The following DNAH12 variants were observed in gnomAD, a reference collection of about 807,000 sequenced individuals.
The protein encoded by DNAH12 is dynein axonemal heavy chain 12.
In DNAH12, 285 loss-of-function variants were observed where a neutral mutation model predicts 371.5. The observed-to-expected ratio is 0.77, with a 90% CI of 0.70 to 0.85. The LOEUF (loss-of-function observed/expected upper bound fraction) is 0.85, where lower values mean the gene tolerates loss of function less well. Among genes scored for constraint, DNAH12 ranks in the 40% least tolerant of loss-of-function variants. DNAH12 has a pLI of 0.00. For synonymous variants in DNAH12, 1,200 were observed against 1,213.0 expected (o/e 0.99, Z 0.22); for missense variants, 3,611 against 3,689.4 (o/e 0.98, Z 0.55).
chr3:57,401,751 AAAAG>A (rs1179014989), intron 43 of DNAH12, among the ~76,000 whole-genome samples: 4 of 151,766 alleles, frequency 2.6e-5, no homozygotes, highest in Non-Finnish European at 5.9e-5. Flanking sequence ...AATACAAAAA[AAAAG>A]AGAGAGAGAA....
intron 2 of DNAH12, among the ~76,000 whole-genome samples, chr3:57,540,602 CA>C (rs2069236598): frequency 6.6e-6 from 1 of 152,100 alleles, no homozygotes; most frequent in African/African-American, 2.4e-5. Flanking sequence ...AGCAGTTCAA[CA>C]TGATAATGCA....
At chr3:57,547,605 G>C (rs568157115), upstream of DNAH12, among the ~76,000 whole-genome samples, 6 of 152,228 alleles carry the variant, frequency 3.9e-5, no homozygotes, top group African/African-American at 1.2e-4. Context: ...ATCAGGTAGA[G>C]AGAAAGATAA....
At position 57,436,942 on chromosome 3, in the gene DNAH12, T is replaced by C; in HGVS notation, c.4655+9A>G. The C allele has an allele frequency of 7.1e-7, 1 of 1,400,482 alleles. No individual in the cohort carries two copies. The highest frequency in any genetic ancestry group is 9.5e-7 in the Non-Finnish European group (1 of 1,052,534). 86.8% of individuals were successfully genotyped at this position (1,400,482 alleles called of 1,614,324 possible). On this transcript the variant is annotated intron_variant, in intron 30 of 73. Transcript: ENST00000495027. ...AATAACATCTAACTATAGCAATATA[T>C]AATCTTACCCATGTCTAACAATCAT...
chr3:57,401,753 A>AG (rs1458973304), intron 43 of DNAH12, among the ~76,000 whole-genome samples: 2 of 151,986 alleles, frequency 1.3e-5, no homozygotes, highest in Admixed American at 6.6e-5. Flanking sequence ...TACAAAAAAA[A>AG]AGAGAGAGAG....
intron 9 of DNAH12, among the ~76,000 whole-genome samples, chr3:57,503,623 G>C (rs951280604): frequency 4.6e-5 from 7 of 152,048 alleles, no homozygotes; most frequent in African/African-American, 1.7e-4. Context: ...TCCTGACCTT[G>C]TGTTCCGCCT....
chr3:57,419,962 T>C (rs2064515362), intron 36 of DNAH12, among the ~76,000 whole-genome samples: 1 of 152,224 alleles, frequency 6.6e-6, no homozygotes, highest in African/African-American at 2.4e-5. Context: ...GCTTTACTTT[T>C]TTATATTTTA....
intron 59 of DNAH12, among the ~76,000 whole-genome samples, chr3:57,355,524 TGCAATCAA>T (rs2062778287): frequency 6.7e-6 from 1 of 149,986 alleles, no homozygotes. Context: ...TGTGAACATA[TGCAATCAA>T]TTCTTTTGGG....
At chr3:57,330,196 A>C (rs2062060619) in intron 62 of DNAH12, among the ~76,000 whole-genome samples, 1 of 151,904 alleles carries the variant, frequency 6.6e-6, no homozygotes, top group African/African-American at 2.4e-5. Flanking sequence ...CATTTGACCC[A>C]GCCATCCCAT....
chr3:57,508,517 C>T lies in DNAH12; in HGVS notation c.566G>A (p.Trp189Ter), dbSNP rs771462251. 1 of 1,611,650 alleles carries T rather than the reference C, an allele frequency of 6.2e-7. No homozygotes were observed. The change falls in exon 7 of 74, where the codon TGG becomes TAG. Residue 189 changes from tryptophan (W) to a stop codon, truncating the protein, a stop_gained. Coordinates refer to ENST00000495027, the MANE Select transcript of DNAH12 (RefSeq NM_001366028.2). LOFTEE classifies it high-confidence loss of function. ...TCTTGCCTGCACATAGCTAGAATGC[C>T]AAGGATTAGAATAATCTAGGCCTCT... Reference protein sequence around the residue: ...SPVGLDYSNPWHSSYVQARNQ... With the variant: ...SPVGLDYSNP
intron 66 of DNAH12, among the ~76,000 whole-genome samples, chr3:57,313,485 C>A (rs1292535938): frequency 6.6e-6 from 1 of 152,084 alleles, no homozygotes; most frequent in African/African-American, 2.4e-5. Context: ...AACCCCATTT[C>A]TACTAAAAAA....
chr3:57,415,249 G>A (rs928273953), intron 38 of DNAH12, among the ~76,000 whole-genome samples, 177 bp downstream of exon 38: 2 of 151,824 alleles, frequency 1.3e-5, no homozygotes, highest in Admixed American at 6.6e-5. Context: ...CACTATTAAC[G>A]TAAAAATGTT....
intron 5 of DNAH12, among the ~76,000 whole-genome samples, chr3:57,509,915 C>A (rs1187007407): frequency 7.7e-6 from 1 of 130,022 alleles, no homozygotes; most frequent in Non-Finnish European, 1.6e-5. Flanking sequence ...AACATAGTGA[C>A]TAGTTAGTAA....
intron 40 of DNAH12, 126 bp from the exon 41 acceptor site, chr3:57,406,078 CGG>C: frequency 2.0e-6 from 2 of 1,007,450 alleles, no homozygotes; most frequent in South Asian, 3.5e-5. Flanking sequence ...GGGCTGGGCG[CGG>C]TGGCTCACAT....
At chr3:57,406,014 C>CTTTA in intron 40 of DNAH12, 62 bp from the exon 41 acceptor site, 1 of 1,439,014 alleles carries the variant, frequency 6.9e-7, no homozygotes, top group African/African-American at 1.4e-5. Context: ...AGTCATGTAA[C>CTTTA]CAGTGGAATG....
chr3:57,435,863 C>T (rs1399775616), intron 30 of DNAH12, among the ~76,000 whole-genome samples: 1 of 83,896 alleles, frequency 1.2e-5, no homozygotes, highest in African/African-American at 4.5e-5. Context: ...GTACTATTCC[C>T]TCTATTTTTG....
intron 4 of DNAH12, among the ~76,000 whole-genome samples, chr3:57,516,053 C>CTTTTTTTTTTTTTTTT (rs11395278): frequency 2.8e-5 from 2 of 71,964 alleles, no homozygotes; most frequent in African/African-American, 5.4e-5. Context: ...ACTGCTTAGT[C>CTTTTTTTTTTTTTTTT]TTTTTTTTTT....
intron 29 of DNAH12, among the ~76,000 whole-genome samples, chr3:57,439,523 C>CA (rs778207323): frequency 6.6e-6 from 1 of 152,170 alleles, no homozygotes; most frequent in Non-Finnish European, 1.5e-5. Flanking sequence ...CCCTACCTTT[C>CA]ACCATATACA....
At chr3:57,453,634 T>G (rs1575623057) in intron 23 of DNAH12, among the ~76,000 whole-genome samples, 1 of 151,658 alleles carries the variant, frequency 6.6e-6, no homozygotes, top group South Asian at 2.1e-4. Flanking sequence ...GCTGCGGTGG[T>G]GGGATCTCGG....
chr3:57,416,978 C>T (rs1014762115), intron 37 of DNAH12, among the ~76,000 whole-genome samples: 14 of 151,984 alleles, frequency 9.2e-5, no homozygotes, highest in African/African-American at 3.1e-4. Context: ...AGGCCAGGCG[C>T]GGTGGCACAC....
Sources: allele counts gnomAD v4.1 joint callset (sites outside exome capture counted in the v4.1 genomes callset), GRCh38; gene constraint gnomAD v4.1.1; transcripts MANE v1.5; gene names NCBI Gene and HGNC (gene_info 2026-07-23, HGNC 2026-07-21).